The following VSTM1 variants were observed in gnomAD, a reference collection of about 807,000 sequenced individuals.
The protein encoded by VSTM1 is V-set and transmembrane domain containing 1, also known as V-set and transmembrane domain-containing protein 1.
VSTM1 carries 27 observed loss-of-function variants against 33.1 expected under a neutral mutation model. That is an observed-to-expected ratio of 0.82 (90% CI 0.60 to 1.12). The LOEUF is 1.12. Among genes scored for constraint, VSTM1 ranks in the 50% most tolerant of loss-of-function variants. The pLI is 0.00. For missense variants in VSTM1, 304 were observed against 288.9 expected (o/e 1.05, Z -0.38); for synonymous variants, 115 against 110.3 (o/e 1.04, Z -0.27).
chr19:54,061,602 C>T (rs1415032573), intron 1 of VSTM1, among the ~76,000 whole-genome samples: 1 of 152,108 alleles, frequency 6.6e-6, no homozygotes, highest in Non-Finnish European at 1.5e-5. Context: ...TGCTTGAGCC[C>T]AGGAGTTGGA....
chr19:54,063,607 G>T (rs1272477455), intron 1 of VSTM1, 137 bp downstream of exon 1: 2 of 1,107,124 alleles, frequency 1.8e-6, no homozygotes, highest in African/African-American at 1.6e-5. Flanking sequence ...AGAACCCACA[G>T]CCCAGACCCA....
intron 1 of VSTM1, among the ~76,000 whole-genome samples, chr19:54,063,056 G>A (rs1318077926): frequency 6.6e-6 from 1 of 151,980 alleles, no homozygotes; most frequent in Admixed American, 6.6e-5. Context: ...GTCTTCTTGG[G>A]GCCAGGTGTG....
rs766503378 is a variant in VSTM1 at position 54,042,336 on chromosome 19, C to T, written c.428G>A (p.Cys143Tyr). ...TRTIFVAIFSCISILLLFLSV... is the reference protein window; with the variant it reads ...TRTIFVAIFSYISILLLFLSV... ...GAGGAAGAGGAGAAGGATGGAGATG[C>T]AGCTGAAGATGGCGACAAAGATGGT... is the stretch of plus-strand genomic sequence containing the variant. The change falls in exon 5 of 9, where the codon TGC becomes TAC. Residue 143 changes from cysteine (C) to tyrosine (Y), a missense_variant. Coordinates refer to ENST00000338372, the MANE Select transcript of VSTM1 (RefSeq NM_198481.4). 1.2e-6 allele frequency: 2 copies of T among 1,613,754 alleles called. No individual in the cohort carries two copies. The highest frequency in any genetic ancestry group is 1.7e-6 in the Non-Finnish European group (2 of 1,179,884).
chr19:54,058,625 T>A, intron 2 of VSTM1, 35 bp from the exon 3 acceptor site: 1 of 1,613,390 alleles, frequency 6.2e-7, no homozygotes, highest in Non-Finnish European at 8.5e-7. Context: ...GAGTCTAGAA[T>A]TCAGACGATT....
rs564223598 is a variant in VSTM1, at chr19:54,055,571, TACAC to T, written c.355+2731_355+2734del. The T allele has an allele frequency of 7.7e-5, 11 of 143,410 alleles. 1 individual carries two copies. The South Asian group carries it at 1.6e-3, about 21-fold the overall frequency. The allele number at this position is 143,410 out of a possible 1,614,324, so 8.9% of individuals were successfully genotyped here. A position where few individuals can be genotyped will look rare whatever the true frequency, so the allele number is the denominator to read the frequency against. The stretch of plus-strand genomic sequence containing the variant: ...CAAGTGTGATGAGTTGCTCAGGTAA[TACAC>T]ACAGCTGTAGTTTCCACTGTCATTA... On this transcript the variant is annotated intron_variant, in intron 3 of 8. Coordinates refer to ENST00000338372, the MANE Select transcript of VSTM1 (RefSeq NM_198481.4).
intron 3 of VSTM1, 50 bp from the exon 4 acceptor site, chr19:54,051,498 T>A (rs762313471): frequency 1.7e-5 from 26 of 1,509,832 alleles, no homozygotes; most frequent in Non-Finnish European, 2.3e-5. Context: ...TACAGGAACC[T>A]TGGGGACAGG....
intron 1 of VSTM1, among the ~76,000 whole-genome samples, chr19:54,062,682 C>G (rs1600174411): frequency 6.7e-6 from 1 of 149,688 alleles, no homozygotes; most frequent in Non-Finnish European, 1.5e-5. Context: ...TGAGATCACA[C>G]CACTGCACTC....
chr19:54,061,517 A>T (rs1159649556), intron 1 of VSTM1, among the ~76,000 whole-genome samples: 1 of 152,206 alleles, frequency 6.6e-6, no homozygotes, highest in Non-Finnish European at 1.5e-5. Context: ...CACAGAAGGA[A>T]GACGGCCATG....
chr19:54,042,639 C>A (rs148995267), intron 4 of VSTM1, among the ~76,000 whole-genome samples: 4 of 150,922 alleles, frequency 2.7e-5, no homozygotes, highest in African/African-American at 4.9e-5. Flanking sequence ...CAGTGCTTGG[C>A]GCATAGGAAA....
intron 3 of VSTM1, among the ~76,000 whole-genome samples, chr19:54,054,658 G>A (rs2070998706): frequency 7.1e-6 from 1 of 141,340 alleles, no homozygotes; most frequent in African/African-American, 2.6e-5. Flanking sequence ...TGGATGGATG[G>A]ATGGATAGAT....
Position 54,041,014 on chromosome 19 carries a change from C to T in VSTM1, c.658G>A (p.Asp220Asn), listed in dbSNP as rs2070230729. 2 of 1,609,964 alleles carry T rather than the reference C, an allele frequency of 1.2e-6. No homozygotes were observed. The highest frequency in any genetic ancestry group is 1.7e-6 in the Non-Finnish European group (2 of 1,178,750). Residue 220 changes from aspartate (D) to asparagine (N), a missense_variant, in exon 9 of 9, where the codon GAC becomes AAC. Asp to Asn is a conservative substitution (Grantham distance 23, BLOSUM62 1). Coordinates refer to ENST00000338372, the MANE Select transcript of VSTM1 (RefSeq NM_198481.4). ...STSALSEAASDTTQEPPGSHE... is the reference protein window; with the variant it reads ...STSALSEAASNTTQEPPGSHE... ...GATCCTGGGGGCTCCTGGGTGGTGTCTGAAGCTGCCTCAGACAGGGCGCTG... is the reference window on the plus strand; with the variant it reads ...GATCCTGGGGGCTCCTGGGTGGTGTTTGAAGCTGCCTCAGACAGGGCGCTG...
At chr19:54,041,893 CT>C (rs1217422128) in intron 7 of VSTM1, 22 bp downstream of exon 7, 1 of 1,614,016 alleles carries the variant, frequency 6.2e-7, no homozygotes, top group Non-Finnish European at 8.5e-7. Context: ...CGGTGATTCC[CT>C]TAAACTTCCC....
Position 54,044,296 on chromosome 19 carries a change from C to T in VSTM1, c.395-1927G>A, listed in dbSNP as rs1181543265. Among the ~76,000 whole-genome samples the T allele has an allele frequency of 3.3e-5, 5 of 152,148 alleles. No homozygotes were observed. The East Asian group carries it at 5.8e-4, about 18-fold the overall frequency. The stretch of plus-strand genomic sequence containing the variant: ...ACCAGTGGCCGGGCACGGTGGCTCA[C>T]GCCTGTAATCCTGGCACTTTGGGAG... On this transcript the variant is annotated intron_variant, in intron 4 of 8. Coordinates refer to ENST00000338372, the MANE Select transcript of VSTM1 (RefSeq NM_198481.4).
chr19:54,043,555 G>A (rs35666076), intron 4 of VSTM1, among the ~76,000 whole-genome samples: 52,386 of 151,820 alleles, frequency 0.35, 9,392 homozygotes, highest in Middle Eastern at 0.42. Flanking sequence ...GGGATTACAG[G>A]TGCCCACCAT....
intron 1 of VSTM1, 52 bp downstream of exon 1, chr19:54,063,692 A>G: frequency 2.5e-6 from 4 of 1,608,052 alleles, no homozygotes; most frequent in Non-Finnish European, 8.5e-7. Context: ...CCACTCCCAC[A>G]TGAGTTTTTC....
At chr19:54,060,376 G>T (rs551403998) in intron 1 of VSTM1, among the ~76,000 whole-genome samples, 1 of 152,128 alleles carries the variant, frequency 6.6e-6, no homozygotes, top group Non-Finnish European at 1.5e-5. Context: ...GTGAAGTTAC[G>T]TAGAATTTAG....
intron 4 of VSTM1, among the ~76,000 whole-genome samples, chr19:54,046,081 C>T (rs969676654): frequency 2.0e-5 from 3 of 152,104 alleles, no homozygotes; most frequent in Admixed American, 2.0e-4. Context: ...ACTTACCTAT[C>T]ATCTGTCTAT....
intron 3 of VSTM1, among the ~76,000 whole-genome samples, chr19:54,058,080 AAC>A (rs1420106005): frequency 1.3e-5 from 2 of 151,546 alleles, no homozygotes; most frequent in African/African-American, 4.8e-5. Context: ...CTCTACTAAA[AAC>A]ACAAACAATT....
chr19:54,042,099 G>A (rs904966741), intron 6 of VSTM1, 70 bp downstream of exon 6: 14 of 1,608,722 alleles, frequency 8.7e-6, no homozygotes, highest in Middle Eastern at 1.7e-4. Context: ...TGCCAATCCC[G>A]GATGTGCCAA....
Sources: gnomAD v4.1 joint callset for allele counts (sites outside exome capture counted in the v4.1 genomes callset) on GRCh38, gnomAD v4.1.1 for gene constraint, MANE v1.5 for transcripts, NCBI Gene and HGNC (gene_info 2026-07-23, HGNC 2026-07-21) for gene names.